Variants in ALDH1A3 observed in about 807,000 individuals in gnomAD.
ALDH1A3 encodes aldehyde dehydrogenase 1 family member A3.
A neutral mutation model predicts 57.5 loss-of-function variants in ALDH1A3; 28 were observed. The observed-to-expected ratio is 0.49, with a 90% CI of 0.36 to 0.67. The LOEUF (loss-of-function observed/expected upper bound fraction) is 0.67. Ranked by LOEUF, ALDH1A3 falls within the 30% of genes least tolerant of loss-of-function variation. The pLI, the probability that ALDH1A3 is intolerant of heterozygous loss-of-function variation, is 0.00. For synonymous variants in ALDH1A3, 281 were observed against 264.8 expected (o/e 1.06, Z -0.59); for missense variants, 507 against 669.4 (o/e 0.76, Z 2.68).
chr15:100,894,312 T>G lies in ALDH1A3; in HGVS notation c.666+230T>G. On this transcript the variant is annotated intron_variant, in intron 6 of 12. Coordinates refer to ENST00000329841, the MANE Select transcript of ALDH1A3 (RefSeq NM_000693.4). The surrounding 1 kb of genome is among the most constrained non-coding windows in gnomAD (Gnocchi z 4.5). ...TCCTAATGAGAATGCTTAACTCTTATTATGGGCTCAAACCTATGGTTGAGG... is the reference window on the plus strand; with the variant it reads ...TCCTAATGAGAATGCTTAACTCTTAGTATGGGCTCAAACCTATGGTTGAGG... The G allele has an allele frequency of 2.0e-6, 1 of 500,008 alleles. No homozygotes were observed. Among genetic ancestry groups the G allele is most frequent in the East Asian group, 3.8e-5 (1 of 26,656 alleles). The allele number at this position is 500,008 out of a possible 1,614,324, so 31.0% of individuals were successfully genotyped here.
chr15:100,896,120 C>G, intron 7 of ALDH1A3, 74 bp downstream of exon 7: 1 of 1,174,924 alleles, frequency 8.5e-7, no homozygotes, highest in South Asian at 1.3e-5. Flanking sequence ...TTTCCTTTGA[C>G]AGGCTTTAAT....
intron 7 of ALDH1A3, among the ~76,000 whole-genome samples, chr15:100,897,406 G>A (rs1231488386): frequency 6.6e-6 from 1 of 152,162 alleles, no homozygotes; most frequent in South Asian, 2.1e-4. Context: ...AGTCATGCTG[G>A]GCCAGCCCTC....
chr15:100,891,886 G>A (rs1404114229), intron 3 of ALDH1A3, among the ~76,000 whole-genome samples: 1 of 152,264 alleles, frequency 6.6e-6, no homozygotes, highest in Non-Finnish European at 1.5e-5. Context: ...CTCACCAGCA[G>A]GGCAGTCTGC....
intron 12 of ALDH1A3, chr15:100,914,195 G>C (rs908686704): frequency 1.3e-5 from 2 of 153,898 alleles, no homozygotes; most frequent in African/African-American, 2.4e-5. Context: ...GCCAGCTTCA[G>C]GCCCTTGGTG....
rs2141552113 is a variant in ALDH1A3 at position 100,889,758 on chromosome 15, G to A, written c.345+2046G>A. Among the ~76,000 whole-genome samples the A allele has an allele frequency of 6.6e-6, 1 of 152,302 alleles. No individual in the cohort carries two copies. The highest frequency in any genetic ancestry group is 1.9e-4 in the East Asian group (1 of 5,176). On this transcript the variant is annotated intron_variant, in intron 3 of 12. Transcript: ENST00000329841. This position sits in a 1 kb window ranked among gnomAD's most constrained non-coding sequence, Gnocchi z 5.1. ...TGTTTTGATAGCAGACAGCTTTGGA[G>A]GATCTCAGAATGCAAACCCAGCAAA...
intron 2 of ALDH1A3, among the ~76,000 whole-genome samples, chr15:100,885,875 T>A (rs2041590037): frequency 6.6e-6 from 1 of 152,230 alleles, no homozygotes; most frequent in Non-Finnish European, 1.5e-5. Flanking sequence ...GAAATTTACA[T>A]GAGCATGGAA....
At chr15:100,896,800 A>G (rs2041708818) in intron 7 of ALDH1A3, among the ~76,000 whole-genome samples, 1 of 152,254 alleles carries the variant, frequency 6.6e-6, no homozygotes, top group Non-Finnish European at 1.5e-5. Flanking sequence ...CAGCCGTTAC[A>G]ACAAGGAAAG....
At chr15:100,901,962 T>C (rs372621994) in intron 9 of ALDH1A3, among the ~76,000 whole-genome samples, 3 of 152,332 alleles carry the variant, frequency 2.0e-5, no homozygotes, top group East Asian at 3.9e-4. Flanking sequence ...AGTCATTGCC[T>C]GCCCAGCCTG....
chr15:100,907,521 A>G (rs1386900838), intron 11 of ALDH1A3, among the ~76,000 whole-genome samples: 1 of 152,206 alleles, frequency 6.6e-6, no homozygotes, highest in Non-Finnish European at 1.5e-5. Flanking sequence ...CACAGCTAGC[A>G]GATGGCCGAG....
At position 100,893,952 on chromosome 15, in the gene ALDH1A3, A is replaced by G. The variant is rs768336204; in HGVS notation, c.538-2A>G. 2 of 1,614,060 alleles carry G rather than the reference A, an allele frequency of 1.2e-6. No homozygotes were observed. Among genetic ancestry groups the G allele is most frequent in the Non-Finnish European group, 1.7e-6 (2 of 1,179,932 alleles). ...CTCCAAAGCCCCTGTGCTCTGTCGC[A>G]GTGGAACTTCCCCCTGCTGATGCTG... On this transcript the variant is annotated splice_acceptor_variant, in intron 5 of 12. Coordinates refer to ENST00000329841, the MANE Select transcript of ALDH1A3 (RefSeq NM_000693.4). LOFTEE classifies it high-confidence loss of function. The surrounding 1 kb of genome is among the most constrained non-coding windows in gnomAD (Gnocchi z 4.8).
At position 100,889,885 on chromosome 15, in the gene ALDH1A3, A is replaced by G. The variant is rs185660078; in HGVS notation, c.345+2173A>G. ...GAATTACTGGCAAACACGGTTTTTAAAACTCCAACCACATCACAGGAGAGC... is the reference window on the plus strand; with the variant it reads ...GAATTACTGGCAAACACGGTTTTTAGAACTCCAACCACATCACAGGAGAGC... On this transcript the variant is annotated intron_variant, in intron 3 of 12. Coordinates refer to ENST00000329841, the MANE Select transcript of ALDH1A3 (RefSeq NM_000693.4). This position sits in a 1 kb window ranked among gnomAD's most constrained non-coding sequence, Gnocchi z 5.1. Among the ~76,000 whole-genome samples the G allele has an allele frequency of 1.3e-5, 2 of 152,326 alleles. No individual in the cohort carries two copies. The highest frequency in any genetic ancestry group is 3.9e-4 in the East Asian group (2 of 5,178).
intron 11 of ALDH1A3, among the ~76,000 whole-genome samples, chr15:100,907,820 A>AT (rs1317350416): frequency 9.6e-5 from 10 of 104,602 alleles, no homozygotes; most frequent in Admixed American, 6.3e-4. Flanking sequence ...CTACACCCTG[A>AT]TTTTTCTTTT....
In ALDH1A3 at chr15:100,910,140, TC is replaced by T. The variant is rs4646689; in HGVS notation, c.1466+1660del. 1.4e-4 allele frequency among the ~76,000 whole-genome samples: 22 copies of T among 152,330 alleles called. No individual in the cohort carries two copies. The East Asian group carries it at 3.3e-3, about 23-fold the overall frequency. ...GGGTCCTGTCCCCCTCCCACCTCAG[TC>T]CTGCTTTGTAGTCCATCCCTGACTC... On this transcript the variant is annotated intron_variant, in intron 12 of 12. Transcript: ENST00000329841.
chr15:100,899,859 C>G (rs2041748261), intron 8 of ALDH1A3, among the ~76,000 whole-genome samples: 1 of 152,242 alleles, frequency 6.6e-6, no homozygotes, highest in Non-Finnish European at 1.5e-5. Context: ...ATGCCCAGAG[C>G]CACTGCCAGC....
rs141839784 is a variant in ALDH1A3 at position 100,905,541 on chromosome 15, G to C, written c.1087G>C (p.Asp363His). Residue 363 changes from aspartate (D) to histidine (H), a missense_variant, in exon 10 of 13, where the codon GAC becomes CAC. By Grantham distance (81) the Asp-to-His change is moderately conservative. Around this residue, in one of 2 missense-constraint regions of ALDH1A3, gnomAD observed 432 missense variants for 608.4 expected, o/e 0.71. Transcript: ENST00000329841. ...CTTGCAGATTGATCAAAAGCAGTTC[G>C]ACAAAATCTTAGAGCTGATCGAGAG... ...QGPQIDQKQF[D>H]KILELIESGK... 4 of 1,614,188 alleles carry C rather than the reference G, an allele frequency of 2.5e-6. No homozygotes were observed. In the South Asian group the frequency reaches 4.4e-5, roughly 18 times the overall value.
At chr15:100,905,387 T>G in intron 9 of ALDH1A3, 136 bp from the exon 10 acceptor site, 7 of 1,084,972 alleles carry the variant, frequency 6.5e-6, no homozygotes, top group Non-Finnish European at 9.4e-6. Flanking sequence ...GCAAGGCTCA[T>G]TAGTTACATG....
intron 7 of ALDH1A3, 88 bp downstream of exon 7, chr15:100,896,134 A>G: frequency 9.2e-7 from 1 of 1,082,186 alleles, no homozygotes; most frequent in Non-Finnish European, 1.4e-6. Flanking sequence ...CTTTAATATG[A>G]TTTGTTTTTC....
rs763601617 is a variant in ALDH1A3, at chr15:100,898,178, C to T, written c.876C>T (p.Asp292=). 56 of 1,613,730 alleles carry T rather than the reference C, an allele frequency of 3.5e-5. No homozygotes were observed. The highest frequency in any genetic ancestry group is 4.5e-5 in the East Asian group (2 of 44,870). The part of the protein sequence containing the change: ...GGKNPCIVCA[D]ADLDLAVECA... ...AGAACCCCTGCATCGTGTGTGCGGA[C>T]GCTGACTGTGAGTCTCTGCCCTCCT... The change falls in exon 8 of 13, where the codon GAC becomes GAT. Residue 292 remains aspartate (D), a synonymous_variant. Coordinates refer to ENST00000329841, the MANE Select transcript of ALDH1A3 (RefSeq NM_000693.4).
At chr15:100,895,013 C>G (rs2041685241) in intron 6 of ALDH1A3, 1 of 152,160 alleles carries the variant, frequency 6.6e-6, no homozygotes, top group Non-Finnish European at 1.5e-5. Context: ...GATAAAGAGG[C>G]TTAGTATATG....
Sources: allele counts gnomAD v4.1 joint callset (sites outside exome capture counted in the v4.1 genomes callset), GRCh38; gene constraint gnomAD v4.1.1; regional missense constraint gnomAD v4.1.1; non-coding constraint Gnocchi (gnomAD v3.1); transcripts MANE v1.5; gene names NCBI Gene and HGNC (gene_info 2026-07-23, HGNC 2026-07-21).